The following ALMS1 variants were observed in gnomAD, a reference collection of about 807,000 sequenced individuals.
ALMS1 encodes centrosome-associated protein ALMS1.
A neutral mutation model predicts 352.2 loss-of-function variants in ALMS1; 271 were observed. That is an observed-to-expected ratio of 0.77 (90% CI 0.70 to 0.85). ALMS1 has a LOEUF of 0.85. Ranked by LOEUF, ALMS1 falls within the 40% of genes least tolerant of loss-of-function variation. The probability of loss-of-function intolerance (pLI) is 0.00; values close to 1 mark genes in which losing one functional copy is unlikely to be tolerated. For missense variants in ALMS1, 5,445 were observed against 4,870.7 expected (o/e 1.12, Z -3.51); for synonymous variants, 1,865 against 1,761.2 (o/e 1.06, Z -1.48).
intron 12 of ALMS1, among the ~76,000 whole-genome samples, chr2:73,540,057 G>A (rs1674132548): frequency 6.6e-6 from 1 of 152,120 alleles, no homozygotes. Flanking sequence ...GCAACTCCAA[G>A]ACACATAATT....
intron 9 of ALMS1, chr2:73,458,684 T>C (rs1672123774): frequency 6.6e-6 from 1 of 152,136 alleles, no homozygotes; most frequent in Non-Finnish European, 1.5e-5. Flanking sequence ...AGAAATAGCA[T>C]GCACACAGTT....
chr2:73,600,616 A>C, intron 17 of ALMS1, 62 bp from the exon 18 acceptor site: 2 of 1,483,910 alleles, frequency 1.3e-6, no homozygotes. Flanking sequence ...TACTCACTTG[A>C]ATAAATCTGT....
At chr2:73,497,398 C>T (rs1356029958) in intron 10 of ALMS1, among the ~76,000 whole-genome samples, 3 of 151,902 alleles carry the variant, frequency 2.0e-5, no homozygotes, top group South Asian at 2.1e-4. Context: ...ACCCATCACC[C>T]GAGTAGTATG....
chr2:73,417,353 A>G (rs1918863), intron 2 of ALMS1, among the ~76,000 whole-genome samples: 54,914 of 152,066 alleles, frequency 0.36, 13,300 homozygotes, highest in African/African-American at 0.69. Flanking sequence ...TTTGGAACTA[A>G]TAGATTTGCT....
At chr2:73,386,746 T>C (rs1415524920) in intron 1 of ALMS1, among the ~76,000 whole-genome samples, 1 of 152,154 alleles carries the variant, frequency 6.6e-6, no homozygotes, top group East Asian at 1.9e-4. Flanking sequence ...TGCAGGAGGC[T>C]TGTGATGCGG....
chr2:73,608,040 G>A (rs1044867322), intron 21 of ALMS1, among the ~76,000 whole-genome samples: 1 of 152,078 alleles, frequency 6.6e-6, no homozygotes, highest in Non-Finnish European at 1.5e-5. Context: ...ACCAGACCAA[G>A]TTTCTTCTCC....
intron 12 of ALMS1, among the ~76,000 whole-genome samples, chr2:73,535,912 C>A (rs567641595): frequency 1.3e-5 from 2 of 152,212 alleles, no homozygotes; most frequent in East Asian, 3.9e-4. Context: ...TGCCCCTGGT[C>A]TTAGGCAGAC....
intron 13 of ALMS1, among the ~76,000 whole-genome samples, chr2:73,553,191 A>G (rs1327732669): frequency 6.6e-6 from 1 of 152,254 alleles, no homozygotes; most frequent in Non-Finnish European, 1.5e-5. Flanking sequence ...TGAGACTGGC[A>G]TCAGACTTCT....
intron 7 of ALMS1, among the ~76,000 whole-genome samples, chr2:73,438,867 T>G (rs562522586): frequency 1.4e-4 from 22 of 152,338 alleles, no homozygotes; most frequent in Admixed American, 2.6e-4. Context: ...TTAGGATTGC[T>G]TTGTCTTCTT....
intron 9 of ALMS1, chr2:73,457,220 TAATACTTTTTTAA>T (rs1278143744): frequency 6.6e-6 from 1 of 152,210 alleles, no homozygotes; most frequent in Admixed American, 6.5e-5. Context: ...TGTATCTATA[TAATACTTTTTTAA>T]AAATCTTCTT....
chr2:73,485,038 G>C (rs1477725509), intron 9 of ALMS1, among the ~76,000 whole-genome samples: 3 of 152,134 alleles, frequency 2.0e-5, no homozygotes, highest in Non-Finnish European at 2.9e-5. Flanking sequence ...CCGTAGCTCA[G>C]AGTAATTTGA....
At chr2:73,557,170 T>TG in intron 13 of ALMS1, 50 bp from the exon 14 acceptor site, 1 of 1,612,242 alleles carries the variant, frequency 6.2e-7, no homozygotes, top group Non-Finnish European at 8.5e-7. Flanking sequence ...ACTTGTCTGT[T>TG]GTGTTTATTA....
chr2:73,419,636 T>G (rs1409546209), intron 3 of ALMS1, among the ~76,000 whole-genome samples: 1 of 152,190 alleles, frequency 6.6e-6, no homozygotes, highest in Non-Finnish European at 1.5e-5. Context: ...ACTTTGGTTA[T>G]CTCAGCAATG....
chr2:73,435,217 G>A (rs1013573418), intron 7 of ALMS1, among the ~76,000 whole-genome samples: 1 of 152,134 alleles, frequency 6.6e-6, no homozygotes, highest in Non-Finnish European at 1.5e-5. Flanking sequence ...GCCTTGTGAT[G>A]TGATTATTTA....
chr2:73,549,942 C>T (rs939965406), intron 12 of ALMS1, among the ~76,000 whole-genome samples: 1 of 152,180 alleles, frequency 6.6e-6, no homozygotes, highest in Non-Finnish European at 1.5e-5. Context: ...TCACTGCAAC[C>T]TCTGCCTCCC....
At chr2:73,473,919 GAAGAGA>G (rs1320269299) in intron 9 of ALMS1, among the ~76,000 whole-genome samples, 1 of 102,806 alleles carries the variant, frequency 9.7e-6, no homozygotes, top group Non-Finnish European at 2.3e-5. Flanking sequence ...TTCTTAGAGG[GAAGAGA>G]GAGAGAGAGA....
chr2:73,426,308 T>C lies in ALMS1; in HGVS notation c.1238-145T>C, dbSNP rs980618205. 8 of 824,174 alleles carry C rather than the reference T, an allele frequency of 9.7e-6. No homozygotes were observed. The African/African-American group carries it at 1.3e-4, about 14-fold the overall frequency. The allele number at this position is 824,174 out of a possible 1,614,324, so 51.1% of individuals were successfully genotyped here. A position where few individuals can be genotyped will look rare whatever the true frequency, so the allele number is the denominator to read the frequency against. The stretch of plus-strand genomic sequence containing the variant: ...GCAAAGTCACAAGGTGCTTGTACCA[T>C]TGACCAGTGATGCATCATTAATTGC... On this transcript the variant is annotated intron_variant, in intron 5 of 22. Coordinates refer to ENST00000613296, the MANE Select transcript of ALMS1 (RefSeq NM_001378454.1).
intron 16 of ALMS1, among the ~76,000 whole-genome samples, chr2:73,575,862 T>G (rs75081827): frequency 9.4e-5 from 14 of 149,652 alleles, no homozygotes; most frequent in East Asian, 5.8e-4. Flanking sequence ...ATTTTTTTTT[T>G]GTTTTTTGTG....
In ALMS1 at chr2:73,491,363, G is replaced by A. The variant is rs1672982288; in HGVS notation, c.9404G>A (p.Ser3135Asn). 3 of 1,614,028 alleles carry A rather than the reference G, an allele frequency of 1.9e-6. No homozygotes were observed. Residue 3135 changes from serine (S) to asparagine (N), a missense_variant, in exon 10 of 23, where the codon AGT becomes AAT. Physicochemically the swap from Ser to Asn is conservative, Grantham distance 46. Transcript: ENST00000613296. ...FQVVQPSLPD[S>N]NTITQDLKTI... is the part of the protein sequence containing the mutation. ...GTCGTACAGCCTTCTCTTCCAGACA[G>A]TAACACTATTACTCAGGACTTGAAA...
Sources: allele counts gnomAD v4.1 joint callset (sites outside exome capture counted in the v4.1 genomes callset), GRCh38; gene constraint gnomAD v4.1.1; transcripts MANE v1.5; gene names NCBI Gene and HGNC (gene_info 2026-07-23, HGNC 2026-07-21).